Variants in FSIP2 observed in about 807,000 individuals in gnomAD.
The protein encoded by FSIP2 is fibrous sheath interacting protein 2.
In FSIP2, 367 loss-of-function variants were observed where a neutral mutation model predicts 510.5. That is an observed-to-expected ratio of 0.72 (90% CI 0.66 to 0.78). The LOEUF is 0.78. Ranked by LOEUF, FSIP2 falls within the 30% of genes least tolerant of loss-of-function variation. The probability of loss-of-function intolerance (pLI) is 0.00; values close to 1 mark genes in which losing one functional copy is unlikely to be tolerated. For missense variants in FSIP2, 7,594 were observed against 7,901.7 expected (o/e 0.96, Z 1.48); for synonymous variants, 2,601 against 2,732.2 (o/e 0.95, Z 1.50).
chr2:185,774,647 C>A (rs528835057), intron 13 of FSIP2, among the ~76,000 whole-genome samples: 1 of 148,350 alleles, frequency 6.7e-6, no homozygotes, highest in South Asian at 2.2e-4. Context: ...TAGTTACATA[C>A]GTATACATGT....
chr2:185,798,262 T>G (rs115755092), intron 16 of FSIP2, among the ~76,000 whole-genome samples: 211 of 152,014 alleles, frequency 1.4e-3, no homozygotes, highest in Admixed American at 2.2e-3. Context: ...GCTTTGTTAT[T>G]ATTATTCAAA....
chr2:185,741,633 C>T (rs1691924755), intron 2 of FSIP2, among the ~76,000 whole-genome samples: 1 of 152,182 alleles, frequency 6.6e-6, no homozygotes, highest in South Asian at 2.1e-4. Context: ...TGTGGATTCA[C>T]TGAATTCAAG....
intron 11 of FSIP2, among the ~76,000 whole-genome samples, chr2:185,762,507 C>T (rs1252154830): frequency 2.6e-5 from 4 of 151,316 alleles, no homozygotes; most frequent in African/African-American, 9.7e-5. Flanking sequence ...AGACATCTTC[C>T]TCCAGTTGCT....
chr2:185,791,354 C>T lies in FSIP2; in HGVS notation c.4218C>T (p.His1406=), dbSNP rs1380049683. The T allele has an allele frequency of 2.0e-6, 3 of 1,533,936 alleles. No individual in the cohort carries two copies. In the East Asian group the frequency reaches 7.3e-5, roughly 38 times the overall value. ...ATAGGCAAGATAAAAAATCTTTTCACAAATATTTGGCTACTCCTTGTACTC... is the reference window on the plus strand; with the variant it reads ...ATAGGCAAGATAAAAAATCTTTTCATAAATATTTGGCTACTCCTTGTACTC... ...LPNRQDKKSF[H]KYLATPCTHH... The change falls in exon 16 of 23, where the codon CAC becomes CAT. Residue 1406 remains histidine, a synonymous_variant. Coordinates refer to ENST00000424728, the MANE Select transcript of FSIP2 (RefSeq NM_173651.4).
chr2:185,797,142 A>T lies in FSIP2; in HGVS notation c.10006A>T (p.Thr3336Ser). The T allele has an allele frequency of 6.5e-7, 1 of 1,534,974 alleles. No individual in the cohort carries two copies. The change falls in exon 16 of 23, where the codon ACT becomes TCT. Residue 3336 changes from threonine to serine, a missense_variant. By Grantham distance (58) the Thr-to-Ser change is moderately conservative. Coordinates refer to ENST00000424728, the MANE Select transcript of FSIP2 (RefSeq NM_173651.4). Reference protein sequence around the residue: ...ICLAAENIVNTVLSSCGFPSQ... With the variant: ...ICLAAENIVNSVLSSCGFPSQ... ...TTTAGCTGCAGAAAATATTGTCAAT[A>T]CTGTGCTATCCAGCTGTGGCTTTCC...
intron 2 of FSIP2, among the ~76,000 whole-genome samples, chr2:185,740,680 C>G (rs547926229): frequency 6.6e-6 from 1 of 152,096 alleles, no homozygotes; most frequent in African/African-American, 2.4e-5. Context: ...AAGATCAGGA[C>G]ACCAGCATGG....
intron 13 of FSIP2, among the ~76,000 whole-genome samples, chr2:185,767,330 AT>A (rs903634664): frequency 4.6e-5 from 7 of 151,988 alleles, no homozygotes; most frequent in African/African-American, 1.4e-4. Context: ...AAAAATAAAA[AT>A]AAAAAAATAA....
intron 13 of FSIP2, among the ~76,000 whole-genome samples, chr2:185,770,074 C>A (rs549620014): frequency 1.3e-5 from 2 of 152,126 alleles, no homozygotes; most frequent in Non-Finnish European, 2.9e-5. Flanking sequence ...TGGTTCCATA[C>A]AAATTTTAAA....
Position 185,806,802 on chromosome 2 carries a change from C to G in FSIP2, c.17496C>G (p.Ile5832Met). The change falls in exon 17 of 23, where the codon ATC becomes ATG. Residue 5832 changes from isoleucine to methionine, a missense_variant. Transcript: ENST00000424728. ...AKLYDTAMKL[I>M]NSLLKEFSDA... is the part of the protein sequence containing the mutation. The stretch of plus-strand genomic sequence containing the variant: ...TCTATGACACTGCTATGAAACTCAT[C>G]AATTCACTGTTAAAGGAGTTCTCAG... 17 of 1,611,662 alleles carry G rather than the reference C, an allele frequency of 1.1e-5. No homozygotes were observed. The highest frequency in any genetic ancestry group is 1.4e-5 in the Non-Finnish European group (17 of 1,178,590).
rs1177496489 is a variant in FSIP2 at position 185,804,383 on chromosome 2, A to T, written c.15077A>T (p.Asn5026Ile). Residue 5026 changes from asparagine (N) to isoleucine (I), a missense_variant, in exon 17 of 23, where the codon AAC becomes ATC. Asn to Ile is a moderately radical substitution (Grantham distance 149). Transcript: ENST00000424728. The part of the protein sequence containing the change: ...RYKEMVQKIV[N>I]SVYGKVLDQY... The stretch of plus-strand genomic sequence containing the variant: ...AAAGAAATGGTTCAAAAAATAGTCA[A>T]CTCAGTATATGGAAAAGTATTAGAT... The T allele has an allele frequency of 6.6e-7, 1 of 1,504,736 alleles. No homozygotes were observed. The highest frequency in any genetic ancestry group is 2.2e-5 in the Admixed American group (1 of 45,712). The allele number at this position is 1,504,736 out of a possible 1,614,324, so 93.2% of individuals were successfully genotyped here.
intron 13 of FSIP2, among the ~76,000 whole-genome samples, chr2:185,770,531 T>C (rs1692586915): frequency 6.6e-6 from 1 of 152,130 alleles, no homozygotes; most frequent in Non-Finnish European, 1.5e-5. Context: ...GAGTGAGAAC[T>C]CACTGTTTAC....
chr2:185,763,253 A>G lies in FSIP2; in HGVS notation c.1311A>G (p.Arg437=). 1 of 1,518,524 alleles carries G rather than the reference A, an allele frequency of 6.6e-7. No homozygotes were observed. The highest frequency in any genetic ancestry group is 8.8e-7 in the Non-Finnish European group (1 of 1,131,500). The allele number at this position is 1,518,524 out of a possible 1,614,324, so 94.1% of individuals were successfully genotyped here. A position where few individuals can be genotyped will look rare whatever the true frequency, so the allele number is the denominator to read the frequency against. ...AQVSPTRNFS[R]VSQAFLDPSK... ...TATCACCCACGAGAAATTTTTCCAGAGTTTCACAGGCATTTTTGGATCCTT... is the reference window on the plus strand; with the variant it reads ...TATCACCCACGAGAAATTTTTCCAGGGTTTCACAGGCATTTTTGGATCCTT... The change falls in exon 12 of 23, where the codon AGA becomes AGG. Residue 437 remains arginine, a synonymous_variant. Coordinates refer to ENST00000424728, the MANE Select transcript of FSIP2 (RefSeq NM_173651.4).
chr2:185,815,359 G>T lies in FSIP2; in HGVS notation c.20326-12G>T. ...CTCCATTTAGTGTAATAGCTGATTT[G>T]TCCTTTTCCAGAAAGAAGAAAAGAA... On this transcript the variant is annotated splice_polypyrimidine_tract_variant and intron_variant, in intron 18 of 22. Transcript: ENST00000424728. 1 of 1,202,326 alleles carries T rather than the reference G, an allele frequency of 8.3e-7. No homozygotes were observed. Among genetic ancestry groups the T allele is most frequent in the South Asian group, 1.3e-5 (1 of 77,406 alleles). 74.5% of individuals were successfully genotyped at this position (1,202,326 alleles called of 1,614,324 possible). A position where few individuals can be genotyped will look rare whatever the true frequency, so the allele number is the denominator to read the frequency against.
In FSIP2 at chr2:185,810,058, C is replaced by T. The variant is rs529825151; in HGVS notation, c.19827+925C>T. On this transcript the variant is annotated intron_variant, in intron 17 of 22. Coordinates refer to ENST00000424728, the MANE Select transcript of FSIP2 (RefSeq NM_173651.4). ...TGTAGTCTGTAGCCCGGACAATTAG[C>T]AAAGTTTTATAGAACCATGCCTCCT... is the stretch of plus-strand genomic sequence containing the variant. Among the ~76,000 whole-genome samples, 18 of 152,098 alleles carry T rather than the reference C, an allele frequency of 1.2e-4. 1 individual carries two copies. The highest frequency in any genetic ancestry group is 3.4e-4 in the African/African-American group (14 of 41,530).
intron 17 of FSIP2, among the ~76,000 whole-genome samples, chr2:185,810,723 C>A (rs544765326): frequency 3.3e-5 from 5 of 151,710 alleles, no homozygotes; most frequent in African/African-American, 4.8e-5. Flanking sequence ...GAAGACAGAG[C>A]CTCTTTTTTG....
At chr2:185,829,530 C>T (rs551208585) in intron 21 of FSIP2, among the ~76,000 whole-genome samples, 3 of 152,050 alleles carry the variant, frequency 2.0e-5, no homozygotes, top group African/African-American at 4.8e-5. Flanking sequence ...GTTTTCTGAC[C>T]GGTTAGGAGA....
At chr2:185,786,420 T>C (rs1692979092) in intron 15 of FSIP2, 132 bp downstream of exon 15, 2 of 610,764 alleles carry the variant, frequency 3.3e-6, no homozygotes, top group Non-Finnish European at 2.8e-6. Context: ...TTTTTGCCCC[T>C]TTTTCTTCAT....
Position 185,804,270 on chromosome 2 carries a change from G to C in FSIP2, c.14964G>C (p.Leu4988Phe). 6.5e-7 allele frequency: 1 copy of C among 1,528,656 alleles called. No individual in the cohort carries two copies. The highest frequency in any genetic ancestry group is 1.7e-4 in the Middle Eastern group (1 of 5,940). 94.7% of individuals were successfully genotyped at this position (1,528,656 alleles called of 1,614,324 possible). ...AACTTACCAGGATTGTTACAACATT[G>C]GTAAATTCAATTGTTCTGGAGTTCA... ...KLKLTRIVTT[L>F]VNSIVLEFTT... Residue 4988 changes from leucine (L) to phenylalanine (F), a missense_variant, in exon 17 of 23, where the codon TTG (leucine) becomes TTC (phenylalanine). Transcript: ENST00000424728.
chr2:185,809,696 A>G (rs570365309), intron 17 of FSIP2, among the ~76,000 whole-genome samples: 2 of 151,940 alleles, frequency 1.3e-5, no homozygotes, highest in East Asian at 2.0e-4. Flanking sequence ...AGCCTTTCCC[A>G]TTTGCCCTGG....
Sources: gnomAD v4.1 joint callset for allele counts (sites outside exome capture counted in the v4.1 genomes callset) on GRCh38, gnomAD v4.1.1 for gene constraint, MANE v1.5 for transcripts, NCBI Gene and HGNC (gene_info 2026-07-23, HGNC 2026-07-21) for gene names.